Variants in CEMIP observed in about 807,000 individuals in gnomAD.
The protein encoded by CEMIP is cell migration inducing hyaluronidase 1.
A neutral mutation model predicts 156.9 loss-of-function variants in CEMIP; 105 were observed. The ratio of observed to expected loss-of-function variants is 0.67; its 90% confidence interval spans 0.57 to 0.79. CEMIP has a LOEUF of 0.79. CEMIP is among the 30% of genes least tolerant of loss of function. The probability of loss-of-function intolerance (pLI) is 0.00; values close to 1 mark genes in which losing one functional copy is unlikely to be tolerated. For missense variants in CEMIP, 1,457 were observed against 1,769.4 expected (o/e 0.82, Z 3.17); for synonymous variants, 676 against 668.4 (o/e 1.01, Z -0.17).
chr15:80,780,489 C>G (rs1045336622), intron 1 of CEMIP, among the ~76,000 whole-genome samples: 1 of 152,218 alleles, frequency 6.6e-6, no homozygotes, highest in Admixed American at 6.5e-5. Context: ...CGCAGACACT[C>G]TCTGCGACAG....
chr15:80,818,143 A>G (rs758472592), intron 1 of CEMIP, among the ~76,000 whole-genome samples: 1 of 152,218 alleles, frequency 6.6e-6, no homozygotes, highest in Non-Finnish European at 1.5e-5. Context: ...ACAAAAAAAT[A>G]TGTATTTCTC....
At chr15:80,911,953 T>A (rs1321729931) in intron 14 of CEMIP, among the ~76,000 whole-genome samples, 3 of 127,238 alleles carry the variant, frequency 2.4e-5, no homozygotes, top group Non-Finnish European at 5.0e-5. Flanking sequence ...GAGGCTGGGA[T>A]TGCTGGGAAA....
At chr15:80,938,643 G>T (rs1455464701) in intron 25 of CEMIP, among the ~76,000 whole-genome samples, 1 of 152,158 alleles carries the variant, frequency 6.6e-6, no homozygotes, top group Non-Finnish European at 1.5e-5. Flanking sequence ...GACTTCCTGA[G>T]ATCATAGCAT....
chr15:80,839,993 G>A (rs1026554424), intron 1 of CEMIP, among the ~76,000 whole-genome samples: 4 of 152,228 alleles, frequency 2.6e-5, no homozygotes, highest in African/African-American at 4.8e-5. Context: ...GCTGGGAAAG[G>A]TGGGGTGGGA....
chr15:80,913,632 T>C (rs1466890838), intron 14 of CEMIP, among the ~76,000 whole-genome samples: 2 of 143,168 alleles, frequency 1.4e-5, no homozygotes, highest in African/African-American at 5.3e-5. Context: ...AGATAATGTA[T>C]GTGATATGGT....
intron 14 of CEMIP, chr15:80,909,628 CTGCTAACTGCAGACAGGGGGAT>C: frequency 2.1e-6 from 1 of 479,820 alleles, no homozygotes; most frequent in South Asian, 1.5e-5. Context: ...CATGACAGCT[CTGCTAACTGCAGACAGGGGGAT>C]CATGCGAAGA....
At chr15:80,895,421 T>A (rs1428013059) in intron 11 of CEMIP, among the ~76,000 whole-genome samples, 2 of 152,056 alleles carry the variant, frequency 1.3e-5, no homozygotes, top group Non-Finnish European at 2.9e-5. Flanking sequence ...GCTATTATTT[T>A]AAATCCAGTA....
chr15:80,816,087 GT>G (rs1249237061), intron 1 of CEMIP, among the ~76,000 whole-genome samples: 1 of 152,174 alleles, frequency 6.6e-6, no homozygotes, highest in East Asian at 1.9e-4. Context: ...CTATTTTACT[GT>G]GAAAAGTCAG....
At chr15:80,896,645 T>C (rs1240616855) in intron 12 of CEMIP, among the ~76,000 whole-genome samples, 4 of 152,226 alleles carry the variant, frequency 2.6e-5, no homozygotes, top group African/African-American at 9.6e-5. Flanking sequence ...TTATTGGAGG[T>C]TACTGGAATC....
intron 18 of CEMIP, 125 bp from the exon 19 acceptor site, chr15:80,925,499 T>G: frequency 1.5e-6 from 2 of 1,325,948 alleles, no homozygotes; most frequent in Non-Finnish European, 2.1e-6. Context: ...TGCGAATGGG[T>G]TTCTGTTCAG....
chr15:80,796,470 C>G (rs2141591524), intron 1 of CEMIP, among the ~76,000 whole-genome samples: 1 of 152,240 alleles, frequency 6.6e-6, no homozygotes, highest in East Asian at 1.9e-4. Context: ...AAGGAGACTG[C>G]CAGGAAATGA....
chr15:80,856,531 G>A (rs1282893308), intron 1 of CEMIP, among the ~76,000 whole-genome samples: 2 of 152,190 alleles, frequency 1.3e-5, no homozygotes, highest in Non-Finnish European at 2.9e-5. Context: ...ATAGCAAAAT[G>A]TTGGGTTGGA....
chr15:80,923,401 C>T (rs1189782670), intron 17 of CEMIP, among the ~76,000 whole-genome samples: 1 of 152,128 alleles, frequency 6.6e-6, no homozygotes, highest in East Asian at 1.9e-4. Context: ...AATGTGTTGG[C>T]TGCTTGTCGA....
At position 80,921,118 on chromosome 15, in the gene CEMIP, C is replaced by A; in HGVS notation, c.2073+17C>A. On this transcript the variant is annotated intron_variant, in intron 16 of 29. Coordinates refer to ENST00000394685, the MANE Select transcript of CEMIP (RefSeq NM_001293298.2). ...GGATCTGAGGTGAGCAGAAATATTC[C>A]TTCTTTGGCAGAAAGTGAGGGTGGG... 6.2e-7 allele frequency: 1 copy of A among 1,611,712 alleles called. No homozygotes were observed. Among genetic ancestry groups the A allele is most frequent in the Non-Finnish European group, 8.5e-7 (1 of 1,178,112 alleles).
chr15:80,911,175 C>T (rs924388388), intron 14 of CEMIP, among the ~76,000 whole-genome samples: 5 of 152,190 alleles, frequency 3.3e-5, no homozygotes, highest in South Asian at 2.1e-4. Flanking sequence ...CAGTGTGTGG[C>T]CCACACTTTG....
intron 1 of CEMIP, among the ~76,000 whole-genome samples, chr15:80,800,383 T>G (rs1896346010): frequency 6.6e-6 from 1 of 152,184 alleles, no homozygotes; most frequent in Admixed American, 6.5e-5. Context: ...TTGCAGGATC[T>G]GACAGAGTCA....
chr15:80,786,378 C>T (rs1278997231), intron 1 of CEMIP, among the ~76,000 whole-genome samples: 3 of 152,054 alleles, frequency 2.0e-5, no homozygotes, highest in Admixed American at 1.3e-4. Flanking sequence ...CTAATTTTAG[C>T]TAATTTTTTG....
chr15:80,884,141 G>A, intron 6 of CEMIP, 34 bp from the exon 7 acceptor site: 1 of 1,611,636 alleles, frequency 6.2e-7, no homozygotes, highest in Non-Finnish European at 8.5e-7. Flanking sequence ...CTGCGGTCAA[G>A]ACTATTCAGA....
intron 1 of CEMIP, among the ~76,000 whole-genome samples, chr15:80,824,402 T>C (rs575334176): frequency 2.6e-5 from 4 of 152,282 alleles, no homozygotes; most frequent in East Asian, 1.9e-4. Context: ...TGGGTGAAAC[T>C]GTCACCAGGG....
Sources: gnomAD v4.1 joint callset for allele counts (sites outside exome capture counted in the v4.1 genomes callset) on GRCh38, gnomAD v4.1.1 for gene constraint, MANE v1.5 for transcripts, NCBI Gene and HGNC (gene_info 2026-07-23, HGNC 2026-07-21) for gene names.